Variants in SVOPL observed in about 807,000 individuals in gnomAD.
The protein encoded by SVOPL is putative transporter SVOPL.
A neutral mutation model predicts 61.0 loss-of-function variants in SVOPL; 60 were observed. The ratio of observed to expected loss-of-function variants is 0.98; its 90% CI spans 0.80 to 1.22. The LOEUF is 1.22. Ranked by LOEUF, SVOPL falls within the 50% of genes most tolerant of loss-of-function variation. The probability of loss-of-function intolerance (pLI) is 0.00; values close to 1 mark genes in which losing one functional copy is unlikely to be tolerated. For synonymous variants in SVOPL, 279 were observed against 250.0 expected (o/e 1.12, Z -1.09); for missense variants, 662 against 643.9 (o/e 1.03, Z -0.30).
At chr7:138,611,894 G>T (rs1178725875) in intron 14 of SVOPL, among the ~76,000 whole-genome samples, 2 of 66,428 alleles carry the variant, frequency 3.0e-5, no homozygotes, top group African/African-American at 5.5e-5. Context: ...TCTGGGAGGT[G>T]TGCCCAACAG....
At chr7:138,621,253 C>T (rs1464071170) in intron 13 of SVOPL, 118 bp from the exon 14 acceptor site, 2 of 692,816 alleles carry the variant, frequency 2.9e-6, no homozygotes, top group African/African-American at 3.7e-5. Context: ...AACACAGTTA[C>T]AGAATATGGA....
intron 1 of SVOPL, among the ~76,000 whole-genome samples, chr7:138,689,725 C>A (rs558576586): frequency 6.6e-6 from 1 of 151,534 alleles, no homozygotes; most frequent in Non-Finnish European, 1.5e-5. Context: ...GGCACGGTGG[C>A]GCACACCTGT....
At chr7:138,699,803 C>T (rs1334887886) in intron 1 of SVOPL, among the ~76,000 whole-genome samples, 4 of 152,180 alleles carry the variant, frequency 2.6e-5, no homozygotes, top group East Asian at 1.9e-4. Flanking sequence ...GCCCCGCCAC[C>T]GGAACAGCGT....
intron 9 of SVOPL, 96 bp from the exon 10 acceptor site, chr7:138,630,218 T>C: frequency 1.0e-6 from 1 of 993,192 alleles, no homozygotes; most frequent in East Asian, 2.4e-5. Flanking sequence ...AGAATCATAT[T>C]GGAGCATGGT....
intron 1 of SVOPL, among the ~76,000 whole-genome samples, chr7:138,691,727 G>T (rs927769798): frequency 6.6e-6 from 1 of 152,046 alleles, no homozygotes; most frequent in Non-Finnish European, 1.5e-5. Flanking sequence ...TTTTAGTAGA[G>T]ACGGGGTTTC....
intron 1 of SVOPL, among the ~76,000 whole-genome samples, chr7:138,700,350 T>TC: frequency 6.8e-6 from 1 of 147,330 alleles, no homozygotes; most frequent in African/African-American, 2.5e-5. Flanking sequence ...TTTTTTTTTT[T>TC]TTTTTTGAGA....
rs183493148 is a variant in SVOPL, at chr7:138,634,805, A to T, written c.790-4683T>A. On this transcript the variant is annotated intron_variant, in intron 9 of 15. Transcript: ENST00000674285. Reference sequence around the variant, plus strand: ...TGTCAAAACCCTGTCTTCTCAAAAAACTGTACAAAAATAGCCAGGCATGGT... The same window carrying T: ...TGTCAAAACCCTGTCTTCTCAAAAATCTGTACAAAAATAGCCAGGCATGGT... Among the ~76,000 whole-genome samples, 3 of 151,854 alleles carry T rather than the reference A, an allele frequency of 2.0e-5. No homozygotes were observed. The East Asian group carries it at 5.8e-4, about 30-fold the overall frequency.
intron 4 of SVOPL, among the ~76,000 whole-genome samples, chr7:138,671,641 C>A (rs1186159671): frequency 1.3e-5 from 2 of 152,190 alleles, no homozygotes; most frequent in African/African-American, 4.8e-5. Flanking sequence ...AGCCACTGCA[C>A]CAGGCCCATA....
At chr7:138,669,889 G>T (rs1365435228) in intron 4 of SVOPL, among the ~76,000 whole-genome samples, 1 of 152,006 alleles carries the variant, frequency 6.6e-6, no homozygotes, top group Admixed American at 6.6e-5. Context: ...GAAGGTGAAG[G>T]GAAGTTTTCC....
chr7:138,697,311 G>GA (rs1465389400), intron 1 of SVOPL, among the ~76,000 whole-genome samples: 1 of 151,930 alleles, frequency 6.6e-6, no homozygotes, highest in Non-Finnish European at 1.5e-5. Context: ...AAAAGTACAA[G>GA]AAAAAATTGC....
intron 1 of SVOPL, chr7:138,689,529 C>T: frequency 1.7e-6 from 1 of 590,896 alleles, no homozygotes; most frequent in Non-Finnish European, 3.0e-6. Flanking sequence ...AGAGTAAATT[C>T]AGCATTAAAA....
At position 138,659,793 on chromosome 7, in the gene SVOPL, G is replaced by A. The variant is rs949618627; in HGVS notation, c.470+71C>T. On this transcript the variant is annotated intron_variant, in intron 6 of 15. Coordinates refer to ENST00000674285, the MANE Select transcript of SVOPL (RefSeq NM_001139456.2). The stretch of plus-strand genomic sequence containing the variant: ...TCACAATGCTTTTGGTCTATTAAGC[G>A]CAGTGTGTGTGCATCAGGGCCTGCA... The A allele has an allele frequency of 1.7e-5, 24 of 1,416,566 alleles. No individual in the cohort carries two copies. In the African/African-American group the frequency reaches 1.9e-4, roughly 11 times the overall value. The allele number at this position is 1,416,566 out of a possible 1,614,324, so 87.7% of individuals were successfully genotyped here. A position where few individuals can be genotyped will look rare whatever the true frequency, so the allele number is the denominator to read the frequency against.
chr7:138,676,842 G>T (rs1300077982), intron 3 of SVOPL, among the ~76,000 whole-genome samples: 1 of 149,862 alleles, frequency 6.7e-6, no homozygotes, highest in Non-Finnish European at 1.5e-5. Flanking sequence ...CTTTATAACC[G>T]AACACCTGCC....
intron 14 of SVOPL, among the ~76,000 whole-genome samples, chr7:138,619,336 G>T (rs1482111971): frequency 6.6e-6 from 1 of 151,932 alleles, no homozygotes; most frequent in Admixed American, 6.6e-5. Flanking sequence ...TGGACCTGGG[G>T]GGATTGAGGC....
chr7:138,614,436 C>T (rs1458855189), intron 14 of SVOPL, among the ~76,000 whole-genome samples: 2 of 148,806 alleles, frequency 1.3e-5, no homozygotes. Context: ...CACTCTGTTG[C>T]CCAGGCTGGA....
At chr7:138,601,415 A>G (rs1280393043) in intron 14 of SVOPL, among the ~76,000 whole-genome samples, 1 of 152,148 alleles carries the variant, frequency 6.6e-6, no homozygotes, top group East Asian at 1.9e-4. Context: ...ACAATGAAAG[A>G]AGAGTCCGCC....
At chr7:138,700,578 A>G (rs1245170288) in intron 1 of SVOPL, among the ~76,000 whole-genome samples, 1 of 151,820 alleles carries the variant, frequency 6.6e-6, no homozygotes, top group African/African-American at 2.4e-5. Flanking sequence ...TGACCTTGTG[A>G]TCCACCCACC....
chr7:138,656,326 T>C (rs1801726693), intron 7 of SVOPL, 122 bp downstream of exon 7: 1 of 974,230 alleles, frequency 1.0e-6, no homozygotes, highest in Non-Finnish European at 1.6e-6. Context: ...ACTCACTTTA[T>C]TCTGATACTC....
At chr7:138,641,814 T>TTATATATATA (rs10666134) in intron 9 of SVOPL, among the ~76,000 whole-genome samples, 10,316 of 120,472 alleles carry the variant, frequency 0.086, 538 homozygotes, top group East Asian at 0.13. Flanking sequence ...TATATATATG[T>TTATATATATA]TATATATATA....
Sources: gnomAD v4.1 joint callset for allele counts (sites outside exome capture counted in the v4.1 genomes callset) on GRCh38, gnomAD v4.1.1 for gene constraint, MANE v1.5 for transcripts, NCBI Gene and HGNC (gene_info 2026-07-23, HGNC 2026-07-21) for gene names.